Variants in MPZL3 observed in about 807,000 individuals in gnomAD.
The protein encoded by MPZL3 is myelin protein zero-like protein 3.
A neutral mutation model predicts 24.8 loss-of-function variants in MPZL3; 23 were observed. The observed-to-expected ratio is 0.93, with a 90% CI of 0.67 to 1.31. MPZL3 has a LOEUF of 1.31. Among genes scored for constraint, MPZL3 ranks in the 40% most tolerant of loss-of-function variants. The pLI, the probability that MPZL3 is intolerant of heterozygous loss-of-function variation, is 0.00. For missense variants in MPZL3, 277 were observed against 294.9 expected (o/e 0.94, Z 0.44); for synonymous variants, 99 against 106.5 (o/e 0.93, Z 0.44).
intron 4 of MPZL3, 129 bp from the exon 5 acceptor site, chr11:118,233,652 G>T: frequency 2.2e-6 from 2 of 907,446 alleles, no homozygotes; most frequent in South Asian, 1.4e-5. Flanking sequence ...CTAGCTGGGT[G>T]ACTGGGCAAA....
chr11:118,246,580 C>CT (rs1169023494), intron 1 of MPZL3, among the ~76,000 whole-genome samples: 36 of 106,996 alleles, frequency 3.4e-4, no homozygotes, highest in Non-Finnish European at 6.3e-4. Context: ...TTCTTTTTTT[C>CT]TTTTCTTTTT....
chr11:118,249,848 A>T (rs918379753), intron 1 of MPZL3, among the ~76,000 whole-genome samples: 1 of 152,278 alleles, frequency 6.6e-6, no homozygotes, highest in Non-Finnish European at 1.5e-5. Flanking sequence ...ATCTTTGAAA[A>T]CAAAAGGCAA....
intron 1 of MPZL3, among the ~76,000 whole-genome samples, chr11:118,249,065 CAG>C (rs759945772): frequency 1.6e-4 from 23 of 148,008 alleles, no homozygotes; most frequent in African/African-American, 5.5e-4. Context: ...TTTTTTGAGA[CAG>C]AGTCTCACTC....
Position 118,237,230 on chromosome 11 carries a change from T to C in MPZL3, c.271A>G (p.Thr91Ala), listed in dbSNP as rs1345008850. The C allele has an allele frequency of 2.5e-6, 4 of 1,613,956 alleles. No individual in the cohort carries two copies. The highest frequency in any genetic ancestry group is 1.1e-5 in the South Asian group (1 of 91,086). The change falls in exon 3 of 6, where the codon ACC becomes GCC. Residue 91 changes from threonine (T) to alanine (A), a missense_variant. By Grantham distance (58) the Thr-to-Ala change is moderately conservative (BLOSUM62 0). Coordinates refer to ENST00000278949, the MANE Select transcript of MPZL3 (RefSeq NM_198275.3). ...IFHYQSFQYPTTAGTFRDRIS... is the reference protein window; with the variant it reads ...IFHYQSFQYPATAGTFRDRIS... ...CGATCCCGAAATGTGCCTGCTGTGGTTGGGTACTGGAAAGACTGATAATGA... is the reference window on the plus strand; with the variant it reads ...CGATCCCGAAATGTGCCTGCTGTGGCTGGGTACTGGAAAGACTGATAATGA...
At chr11:118,235,131 G>A (rs1348501740) in intron 4 of MPZL3, among the ~76,000 whole-genome samples, 4 of 152,162 alleles carry the variant, frequency 2.6e-5, no homozygotes, top group Admixed American at 1.3e-4. Context: ...GGAATTGAAA[G>A]AATGAAACAT....
chr11:118,237,295 T>G, intron 2 of MPZL3, 35 bp from the exon 3 acceptor site: 1 of 1,568,590 alleles, frequency 6.4e-7, no homozygotes, highest in Non-Finnish European at 8.8e-7. Flanking sequence ...AAAGGTTAAC[T>G]TGGAAAATGC....
At chr11:118,243,036 A>G (rs1178905740) in intron 1 of MPZL3, among the ~76,000 whole-genome samples, 1 of 151,696 alleles carries the variant, frequency 6.6e-6, no homozygotes, top group Non-Finnish European at 1.5e-5. Flanking sequence ...ACTCCCCTAC[A>G]CTCCTATCTT....
At chr11:118,236,731 CA>C (rs1949430452) in intron 3 of MPZL3, among the ~76,000 whole-genome samples, 2 of 152,132 alleles carry the variant, frequency 1.3e-5, no homozygotes, top group African/African-American at 4.8e-5. Flanking sequence ...ACTTCTATTT[CA>C]CAGAGATAAC....
chr11:118,233,951 C>A (rs1949387170), intron 4 of MPZL3, among the ~76,000 whole-genome samples: 1 of 152,198 alleles, frequency 6.6e-6, no homozygotes. Context: ...CAAGATTACA[C>A]CACTGCACTC....
chr11:118,239,142 A>G (rs1363210158), intron 2 of MPZL3, among the ~76,000 whole-genome samples: 1 of 152,228 alleles, frequency 6.6e-6, no homozygotes, highest in Non-Finnish European at 1.5e-5. Context: ...TTTCTGACCC[A>G]GGAAGCTCCC....
intron 4 of MPZL3, among the ~76,000 whole-genome samples, chr11:118,233,823 G>A (rs527729280): frequency 4.6e-5 from 7 of 152,072 alleles, no homozygotes; most frequent in South Asian, 4.2e-4. Flanking sequence ...ACAAAACCCC[G>A]TCTCTACTGA....
At chr11:118,230,253 C>T (rs1397709638) in intron 5 of MPZL3, among the ~76,000 whole-genome samples, 2 of 152,218 alleles carry the variant, frequency 1.3e-5, no homozygotes, top group African/African-American at 4.8e-5. Context: ...ATCCTCTCCT[C>T]ACTCTCTTGC....
intron 2 of MPZL3, among the ~76,000 whole-genome samples, chr11:118,237,774 C>A (rs935809018): frequency 1.3e-5 from 2 of 152,074 alleles, no homozygotes; most frequent in East Asian, 3.9e-4. Flanking sequence ...AATTTCCACA[C>A]ATTTACTCAC....
intron 1 of MPZL3, among the ~76,000 whole-genome samples, chr11:118,244,617 G>GA (rs1949536453): frequency 6.6e-6 from 1 of 152,190 alleles, no homozygotes; most frequent in Non-Finnish European, 1.5e-5. Flanking sequence ...AAAAAAACAC[G>GA]AAAGGGAGAG....
intron 2 of MPZL3, among the ~76,000 whole-genome samples, chr11:118,238,655 C>G (rs1359155792): frequency 6.6e-6 from 1 of 152,204 alleles, no homozygotes; most frequent in Non-Finnish European, 1.5e-5. Context: ...TGCTGACTCA[C>G]TTATTCATTC....
intron 1 of MPZL3, among the ~76,000 whole-genome samples, chr11:118,241,353 C>T (rs1361271367): frequency 6.6e-6 from 1 of 152,182 alleles, no homozygotes; most frequent in African/African-American, 2.4e-5. Context: ...TCCTGAAAAT[C>T]GGCAGTGCTT....
chr11:118,228,794 C>G lies in MPZL3; in HGVS notation c.*1100G>C, dbSNP rs1949306883. 6.6e-6 allele frequency: 1 copy of G among 152,144 alleles called. No homozygotes were observed. Among genetic ancestry groups the G allele is most frequent in the Admixed American group, 6.5e-5 (1 of 15,276 alleles). The allele number at this position is 152,144 out of a possible 1,614,324, so 9.4% of individuals were successfully genotyped here. A position where few individuals can be genotyped will look rare whatever the true frequency, so the allele number is the denominator to read the frequency against. ...AACCTGTAAAGAGTTTTTCTTGCCT[C>G]TGACCTGAAAATTCAAGAAGAAAAG... is the stretch of plus-strand genomic sequence containing the variant. On this transcript the variant is annotated 3_prime_UTR_variant, in exon 6 of 6. Coordinates refer to ENST00000278949, the MANE Select transcript of MPZL3 (RefSeq NM_198275.3).
intron 2 of MPZL3, among the ~76,000 whole-genome samples, chr11:118,238,532 T>A (rs1949453598): frequency 6.6e-6 from 1 of 152,252 alleles, no homozygotes; most frequent in South Asian, 2.1e-4. Flanking sequence ...ATATGGCTTA[T>A]GCAAAATACA....
chr11:118,251,078 C>CGTGTGTGTGTGTGTGTGT (rs3221165), intron 1 of MPZL3, among the ~76,000 whole-genome samples: 1 of 144,270 alleles, frequency 6.9e-6, no homozygotes, highest in Non-Finnish European at 1.5e-5. Flanking sequence ...GAATATTTCT[C>CGTGTGTGTGTGTGTGTGT]GTGTGTGTGT....
Sources: gnomAD v4.1 joint callset for allele counts (sites outside exome capture counted in the v4.1 genomes callset) on GRCh38, gnomAD v4.1.1 for gene constraint, MANE v1.5 for transcripts, NCBI Gene and HGNC (gene_info 2026-07-23, HGNC 2026-07-21) for gene names.